Variants in FRMD4A observed in about 807,000 individuals in gnomAD.
FRMD4A encodes FERM domain containing 4A.
Under a neutral mutation model 129.1 loss-of-function variants are expected in FRMD4A, and 29 were observed. That is an observed-to-expected ratio of 0.22 (90% CI 0.17 to 0.31). The LOEUF (loss-of-function observed/expected upper bound fraction) is 0.31. FRMD4A is among the 10% of genes least tolerant of loss of function. The probability of loss-of-function intolerance (pLI) is 1.00; values close to 1 mark genes in which losing one functional copy is unlikely to be tolerated. For missense variants in FRMD4A, 1,272 were observed against 1,375.8 expected (o/e 0.92, Z 1.19); for synonymous variants, 634 against 571.6 (o/e 1.11, Z -1.56).
In FRMD4A at chr10:13,863,669, A is replaced by G. The variant is rs117720161; in HGVS notation, c.46-4757T>C. 8.9e-3 allele frequency among the ~76,000 whole-genome samples: 1,354 copies of G among 152,148 alleles called. 47 individuals are homozygous for G. The highest frequency in any genetic ancestry group is 0.058 in the Admixed American group (886 of 15,276). On this transcript the variant is annotated intron_variant, in intron 2 of 24. Transcript: ENST00000357447. ...CAGGGATTAAGAGGCAAAAAAATAT[A>G]TATATAGGAGTAGATGTGCAACGCT... is the stretch of plus-strand genomic sequence containing the variant.
chr10:13,860,463 C>A (rs2094279111), intron 2 of FRMD4A, among the ~76,000 whole-genome samples: 2 of 152,290 alleles, frequency 1.3e-5, no homozygotes, highest in Middle Eastern at 3.4e-3. Context: ...CTCTCTGGAC[C>A]AGATGACACA....
intron 12 of FRMD4A, among the ~76,000 whole-genome samples, chr10:13,733,738 C>A (rs1338142868): frequency 6.6e-6 from 1 of 152,186 alleles, no homozygotes; most frequent in East Asian, 1.9e-4. Flanking sequence ...AAGGCCTGTT[C>A]TTAATTTTAT....
In FRMD4A at chr10:13,821,076, G is replaced by T. The variant is rs1006972573; in HGVS notation, c.112-10168C>A. On this transcript the variant is annotated intron_variant, in intron 3 of 24. Coordinates refer to ENST00000357447, the MANE Select transcript of FRMD4A (RefSeq NM_018027.5). The surrounding 1 kb of genome is among the most constrained non-coding windows in gnomAD (Gnocchi z 4.3). ...TGTGTCCCTCTCCATCCCCATGGGGGCTCTGAGCCCAGCAATGGCTCAGCG... is the reference window on the plus strand; with the variant it reads ...TGTGTCCCTCTCCATCCCCATGGGGTCTCTGAGCCCAGCAATGGCTCAGCG... Among the ~76,000 whole-genome samples the T allele has an allele frequency of 6.6e-6, 1 of 152,204 alleles. No homozygotes were observed. The highest frequency in any genetic ancestry group is 2.4e-5 in the African/African-American group (1 of 41,450).
At chr10:13,943,682 AAAAGAAAAGAAAGAAAGAAAG>A in intron 2 of FRMD4A, among the ~76,000 whole-genome samples, 1 of 149,122 alleles carries the variant, frequency 6.7e-6, no homozygotes, top group South Asian at 2.1e-4. Context: ...AAAAAAAAGA[AAAAGAAAAGAAAGAAAGAAAG>A]AAAGAAAAGT....
chr10:14,176,093 A>G (rs935376994), intron 2 of FRMD4A, among the ~76,000 whole-genome samples: 4 of 152,150 alleles, frequency 2.6e-5, no homozygotes. Flanking sequence ...ATTTTCTTCT[A>G]TTCATGTAGT....
intron 2 of FRMD4A, among the ~76,000 whole-genome samples, chr10:14,089,728 G>A (rs1445821284): frequency 6.6e-6 from 1 of 151,944 alleles, no homozygotes. Context: ...TACCTCCCCG[G>A]CCCGTAGAGA....
chr10:14,034,566 GA>G lies in FRMD4A; in HGVS notation c.46-175655del, dbSNP rs573079417. On this transcript the variant is annotated intron_variant, in intron 2 of 24. Transcript: ENST00000357447. The stretch of plus-strand genomic sequence containing the variant: ...AGACAACAGATAAATATTTTCAGGA[GA>G]AAATGAAATATTTTCATGAGAGATG... Among the ~76,000 whole-genome samples, 62 of 150,900 alleles carry G rather than the reference GA, an allele frequency of 4.1e-4. 1 individual carries two copies. The South Asian group carries it at 8.3e-3, about 20-fold the overall frequency.
In FRMD4A at chr10:14,230,957, C is replaced by T. The variant is rs191094311; in HGVS notation, c.45+99101G>A. 3.5e-4 allele frequency among the ~76,000 whole-genome samples: 54 copies of T among 152,268 alleles called. No individual in the cohort carries two copies. The Middle Eastern group carries it at 0.01, about 29-fold the overall frequency. ...GCTGCATCCATGTTGCTGCAAAGAA[C>T]GTGATTTTGTTCTTTTTTATGGCTA... On this transcript the variant is annotated intron_variant, in intron 2 of 24. Coordinates refer to ENST00000357447, the MANE Select transcript of FRMD4A (RefSeq NM_018027.5).
At chr10:13,937,959 T>G (rs573084242) in intron 2 of FRMD4A, among the ~76,000 whole-genome samples, 3 of 152,358 alleles carry the variant, frequency 2.0e-5, no homozygotes, top group African/African-American at 7.2e-5. Context: ...GTGAAAAAAT[T>G]TACTTTTCCT....
At chr10:14,192,499 C>T (rs898788603) in intron 2 of FRMD4A, among the ~76,000 whole-genome samples, 1 of 152,192 alleles carries the variant, frequency 6.6e-6, no homozygotes, top group Non-Finnish European at 1.5e-5. Flanking sequence ...AGATAAATTC[C>T]TCCACATTCC....
chr10:14,151,765 ATGC>A (rs1840349983), intron 2 of FRMD4A, among the ~76,000 whole-genome samples: 1 of 152,168 alleles, frequency 6.6e-6, no homozygotes, highest in South Asian at 2.1e-4. Context: ...TTTCTTGGAA[ATGC>A]TGTAGACTAA....
At chr10:14,041,942 G>A (rs1833794580) in intron 2 of FRMD4A, among the ~76,000 whole-genome samples, 1 of 152,178 alleles carries the variant, frequency 6.6e-6, no homozygotes, top group African/African-American at 2.4e-5. Flanking sequence ...ACGAGCACAG[G>A]GAGCTTGCAG....
chr10:14,083,295 T>C (rs997681053), intron 2 of FRMD4A: 1 of 152,258 alleles, frequency 6.6e-6, no homozygotes, highest in Non-Finnish European at 1.5e-5. Context: ...TGTTGCATTC[T>C]AGAGATTGAA....
chr10:13,672,620 G>A (rs1824702526), intron 16 of FRMD4A, among the ~76,000 whole-genome samples: 1 of 152,154 alleles, frequency 6.6e-6, no homozygotes, highest in South Asian at 2.1e-4. Context: ...CTGATTTCAT[G>A]TGTAACTGGA....
intron 5 of FRMD4A, among the ~76,000 whole-genome samples, chr10:13,792,432 C>T (rs961766891): frequency 6.6e-6 from 1 of 152,062 alleles, no homozygotes; most frequent in African/African-American, 2.4e-5. Context: ...TACTTTTCCC[C>T]TGTGGAGACA....
intron 3 of FRMD4A, among the ~76,000 whole-genome samples, chr10:13,842,372 G>A (rs939745030): frequency 4.6e-5 from 7 of 152,182 alleles, no homozygotes; most frequent in Non-Finnish European, 8.8e-5. Flanking sequence ...ATTCGTGCAT[G>A]AGCCCAGTCA....
At chr10:13,819,733 G>C (rs1209918817) in intron 3 of FRMD4A, among the ~76,000 whole-genome samples, 2 of 148,978 alleles carry the variant, frequency 1.3e-5, no homozygotes, top group Non-Finnish European at 3.0e-5. Context: ...ATGGGGTCTG[G>C]AGTGCGGGCT....
intron 2 of FRMD4A, among the ~76,000 whole-genome samples, chr10:14,115,047 C>A (rs1200366483): frequency 6.6e-6 from 1 of 152,168 alleles, no homozygotes; most frequent in African/African-American, 2.4e-5. Context: ...CTCACTCCCC[C>A]ACCCACCAAG....
chr10:13,959,752 C>T (rs993633131), intron 2 of FRMD4A, among the ~76,000 whole-genome samples: 1 of 152,192 alleles, frequency 6.6e-6, no homozygotes, highest in Non-Finnish European at 1.5e-5. Flanking sequence ...AGAGCTGGCA[C>T]TTGCTGCCCT....
Sources: allele counts gnomAD v4.1 joint callset (sites outside exome capture counted in the v4.1 genomes callset), GRCh38; gene constraint gnomAD v4.1.1; non-coding constraint Gnocchi (gnomAD v3.1); transcripts MANE v1.5; gene names NCBI Gene and HGNC (gene_info 2026-07-23, HGNC 2026-07-21).